Variants in ADGRL2 observed in about 807,000 individuals in gnomAD.
The protein encoded by ADGRL2 is adhesion G protein-coupled receptor L2, also known as calcium-independent alpha-latrotoxin receptor 2.
In ADGRL2, 44 loss-of-function variants were observed where a neutral mutation model predicts 157.4. The ratio of observed to expected loss-of-function variants is 0.28; its 90% CI spans 0.22 to 0.36. ADGRL2 has a LOEUF of 0.36. Ranked by LOEUF, ADGRL2 falls within the 10% of genes least tolerant of loss-of-function variation. The pLI, the probability that ADGRL2 is intolerant of heterozygous loss-of-function variation, is 1.00. For missense variants in ADGRL2, 1,510 were observed against 1,768.9 expected (o/e 0.85, Z 2.63); for synonymous variants, 585 against 624.7 (o/e 0.94, Z 0.95).
chr1:81,523,783 G>T (rs985498775), intron 2 of ADGRL2, among the ~76,000 whole-genome samples: 1 of 152,122 alleles, frequency 6.6e-6, no homozygotes, highest in East Asian at 1.9e-4. Context: ...TAAAAATCGG[G>T]CCTGGTACGG....
chr1:81,742,206 G>A lies in ADGRL2; in HGVS notation c.-142-19605G>A, dbSNP rs138401389. ...GAATAGTATGTTTCCTACCTAGTTC[G>A]TTGGGCATAAAAGGATGCTTTAAAT... is the stretch of plus-strand genomic sequence containing the variant. On this transcript the variant is annotated intron_variant, in intron 1 of 20. Transcript: ENST00000359929. Among the ~76,000 whole-genome samples the A allele has an allele frequency of 5.3e-3, 808 of 151,790 alleles. 6 individuals carry two copies. Among genetic ancestry groups the A allele is most frequent in the Middle Eastern group, 0.014 (4 of 294 alleles).
At chr1:81,415,493 C>G (rs145244625) in intron 1 of ADGRL2, among the ~76,000 whole-genome samples, 4 of 152,094 alleles carry the variant, frequency 2.6e-5, no homozygotes, top group Non-Finnish European at 5.9e-5. Flanking sequence ...AGAGGGGTCC[C>G]TAAAAAAAGA....
chr1:81,536,761 TA>T (rs2079748516), intron 2 of ADGRL2, among the ~76,000 whole-genome samples: 1 of 152,232 alleles, frequency 6.6e-6, no homozygotes, highest in African/African-American at 2.4e-5. Flanking sequence ...TGGTCTGTTC[TA>T]TAAATAATAT....
intron 2 of ADGRL2, among the ~76,000 whole-genome samples, chr1:81,868,540 G>T (rs534673172): frequency 1.2e-4 from 18 of 151,962 alleles, no homozygotes; most frequent in Non-Finnish European, 2.6e-4. Flanking sequence ...TCTTATTTTA[G>T]TTCCTTTAAA....
intron 2 of ADGRL2, among the ~76,000 whole-genome samples, chr1:81,903,773 TTA>T (rs554286014): frequency 1.4e-5 from 2 of 144,058 alleles, no homozygotes; most frequent in East Asian, 2.0e-4. Flanking sequence ...TATATACACA[TTA>T]TATATATACA....
At chr1:81,345,956 T>C (rs141876992) in intron 1 of ADGRL2, among the ~76,000 whole-genome samples, 1 of 152,176 alleles carries the variant, frequency 6.6e-6, no homozygotes, top group African/African-American at 2.4e-5. Flanking sequence ...TATGAAAAAA[T>C]AATTTTTTAA....
intron 2 of ADGRL2, among the ~76,000 whole-genome samples, chr1:81,494,483 AT>A (rs2078693400): frequency 6.6e-6 from 1 of 152,110 alleles, no homozygotes; most frequent in Admixed American, 6.6e-5. Context: ...CAGTCACAAA[AT>A]TTTACTGATG....
intron 1 of ADGRL2, among the ~76,000 whole-genome samples, chr1:81,377,132 GCCACTGCACT>G (rs934554991): frequency 6.6e-6 from 1 of 152,068 alleles, no homozygotes; most frequent in Non-Finnish European, 1.5e-5. Context: ...GGAGTTTGAG[GCCACTGCACT>G]CCAGCCTATG....
At chr1:81,610,841 G>A (rs2081527145) in intron 3 of ADGRL2, among the ~76,000 whole-genome samples, 1 of 152,208 alleles carries the variant, frequency 6.6e-6, no homozygotes, top group African/African-American at 2.4e-5. Context: ...GAAAACAAAA[G>A]CTTAGTTTTG....
At chr1:81,868,960 G>A (rs1206813592) in intron 2 of ADGRL2, among the ~76,000 whole-genome samples, 5 of 152,022 alleles carry the variant, frequency 3.3e-5, no homozygotes, top group Admixed American at 3.3e-4. Flanking sequence ...GTATATGCAG[G>A]GGATTTGAAA....
intron 1 of ADGRL2, among the ~76,000 whole-genome samples, chr1:81,720,995 C>A (rs2084293473): frequency 6.7e-6 from 1 of 149,238 alleles, no homozygotes; most frequent in Non-Finnish European, 1.5e-5. Flanking sequence ...TTAATAACAG[C>A]TTTTCAGAAA....
At chr1:81,646,100 G>A (rs12121668) in intron 3 of ADGRL2, among the ~76,000 whole-genome samples, 94,703 of 151,932 alleles carry the variant, frequency 0.62, 30,098 homozygotes, top group Non-Finnish European at 0.68. Flanking sequence ...TGTCCTTCCC[G>A]ACTCCCATAT....
intron 1 of ADGRL2, among the ~76,000 whole-genome samples, chr1:81,723,934 C>G (rs1204530271): frequency 6.6e-6 from 1 of 151,910 alleles, no homozygotes; most frequent in African/African-American, 2.4e-5. Context: ...TGAGGGAGTA[C>G]TTTTCTTTTT....
chr1:81,617,510 G>A (rs2081685352), intron 3 of ADGRL2, among the ~76,000 whole-genome samples: 1 of 152,228 alleles, frequency 6.6e-6, no homozygotes, highest in Non-Finnish European at 1.5e-5. Flanking sequence ...TGCCAGCAGA[G>A]CTGCTTTCTT....
chr1:81,633,962 G>A (rs1051097264), intron 3 of ADGRL2, among the ~76,000 whole-genome samples: 64 of 152,194 alleles, frequency 4.2e-4, no homozygotes, highest in African/African-American at 1.4e-3. Flanking sequence ...AAAGACTTGC[G>A]GGTGCCAGTA....
At chr1:81,801,943 G>A (rs2088236526) in intron 1 of ADGRL2, among the ~76,000 whole-genome samples, 1 of 152,064 alleles carries the variant, frequency 6.6e-6, no homozygotes, top group Non-Finnish European at 1.5e-5. Context: ...CTCTCGAAGA[G>A]CGGCGTGTGG....
At chr1:81,454,166 T>TC (rs1445854522) in intron 2 of ADGRL2, among the ~76,000 whole-genome samples, 3 of 151,402 alleles carry the variant, frequency 2.0e-5, no homozygotes, top group Non-Finnish European at 3.0e-5. Flanking sequence ...CAATCCTCAC[T>TC]CTTTTTTTTT....
chr1:81,345,459 A>C (rs1260804119), intron 1 of ADGRL2, among the ~76,000 whole-genome samples: 1 of 152,260 alleles, frequency 6.6e-6, no homozygotes, highest in Non-Finnish European at 1.5e-5. Context: ...TGTCTCATCT[A>C]TTCTTATCAC....
upstream of ADGRL2, among the ~76,000 whole-genome samples, chr1:81,799,479 CATT>C (rs1162146267): frequency 6.6e-6 from 1 of 152,206 alleles, no homozygotes; most frequent in Non-Finnish European, 1.5e-5. Context: ...GACACACGTA[CATT>C]TAACCTATGA....
Sources: gnomAD v4.1 joint callset for allele counts (sites outside exome capture counted in the v4.1 genomes callset) on GRCh38, gnomAD v4.1.1 for gene constraint, MANE v1.5 for transcripts, NCBI Gene and HGNC (gene_info 2026-07-23, HGNC 2026-07-21) for gene names.